The following CLEC17A variants were observed in gnomAD, a reference collection of about 807,000 sequenced individuals.
The protein encoded by CLEC17A is C-type lectin domain containing 17A.
CLEC17A carries 37 observed loss-of-function variants against 61.3 expected under a neutral mutation model. That is an observed-to-expected ratio of 0.60 (90% CI 0.46 to 0.79). The LOEUF is 0.79. Ranked by LOEUF, CLEC17A falls within the 30% of genes least tolerant of loss-of-function variation. The pLI, the probability that CLEC17A is intolerant of heterozygous loss-of-function variation, is 0.00. For missense variants in CLEC17A, 418 were observed against 464.7 expected (o/e 0.90, Z 0.92); for synonymous variants, 168 against 164.9 (o/e 1.02, Z -0.14).
chr19:14,609,900 C>T (rs966706928), intron 13 of CLEC17A, among the ~76,000 whole-genome samples, 164 bp from the exon 14 acceptor site: 6 of 152,056 alleles, frequency 3.9e-5, no homozygotes, highest in Non-Finnish European at 8.8e-5. Flanking sequence ...GGGCCAGGCA[C>T]GGTGGCTCAC....
In CLEC17A at chr19:14,596,625, C is replaced by A. The variant is rs149064859; in HGVS notation, c.446-251C>A. On this transcript the variant is annotated intron_variant, in intron 8 of 13. Coordinates refer to ENST00000417570, the MANE Select transcript of CLEC17A (RefSeq NM_001204118.2). ...CTCCAGCCTGGATGACAGAGTGAAA[C>A]CTTGTTTCAAGAAGGAAAGAAGGAA... 2.0e-3 allele frequency among the ~76,000 whole-genome samples: 304 copies of A among 152,196 alleles called. 2 individuals carry two copies. Among genetic ancestry groups the A allele is most frequent in the African/African-American group, 7.1e-3 (295 of 41,498 alleles).
intron 13 of CLEC17A, 38 bp downstream of exon 13, chr19:14,607,140 C>T (rs2074899421): frequency 4.0e-6 from 4 of 1,005,640 alleles, no homozygotes; most frequent in South Asian, 3.4e-5. Context: ...TCTGCTTCCT[C>T]TGTGGGCCCT....
intron 10 of CLEC17A, 175 bp from the exon 11 acceptor site, chr19:14,599,542 A>G (rs1447118855): frequency 5.9e-6 from 4 of 681,984 alleles, no homozygotes; most frequent in Non-Finnish European, 1.1e-5. Context: ...CCTCTGAGCC[A>G]TTCTCGGATT....
chr19:14,605,311 G>T (rs925084483), intron 12 of CLEC17A, among the ~76,000 whole-genome samples: 7 of 151,488 alleles, frequency 4.6e-5, no homozygotes, highest in Admixed American at 3.9e-4. Context: ...GGCCAAGCTG[G>T]TCTCGAACTC....
chr19:14,603,505 G>A (rs2074774936), intron 12 of CLEC17A, among the ~76,000 whole-genome samples: 1 of 152,106 alleles, frequency 6.6e-6, no homozygotes, highest in African/African-American at 2.4e-5. Context: ...TGTTGCCCAG[G>A]CTGGAGTGCA....
At position 14,596,858 on chromosome 19, in the gene CLEC17A, C is replaced by A. The variant is rs1247018661; in HGVS notation, c.446-18C>A. On this transcript the variant is annotated intron_variant, in intron 8 of 13. Coordinates refer to ENST00000417570, the MANE Select transcript of CLEC17A (RefSeq NM_001204118.2). ...AAGCCCCAGTATCAGTCTCTCTGTT[C>A]CCATCCCCACTCCCCAGCAACTCCA... is the stretch of plus-strand genomic sequence containing the variant. 1 of 1,606,556 alleles carries A rather than the reference C, an allele frequency of 6.2e-7. No individual in the cohort carries two copies. Among genetic ancestry groups the A allele is most frequent in the South Asian group, 1.1e-5 (1 of 89,440 alleles).
intron 10 of CLEC17A, among the ~76,000 whole-genome samples, chr19:14,597,673 G>A (rs2146708530): frequency 6.6e-6 from 1 of 152,312 alleles, no homozygotes; most frequent in East Asian, 1.9e-4. Flanking sequence ...GGGAGTTTGA[G>A]GTTGATCATG....
At chr19:14,606,657 G>A (rs1010750507) in intron 12 of CLEC17A, among the ~76,000 whole-genome samples, 6 of 149,852 alleles carry the variant, frequency 4.0e-5, no homozygotes, top group East Asian at 2.0e-4. Context: ...TCCAGCCTGG[G>A]TGACAGAGCG....
In CLEC17A at chr19:14,590,862, A is replaced by ATT. The variant is rs74183400; in HGVS notation, c.200-1404_200-1403dup. On this transcript the variant is annotated intron_variant, in intron 3 of 13. Coordinates refer to ENST00000417570, the MANE Select transcript of CLEC17A (RefSeq NM_001204118.2). ...CACCATGCCTGGATGGTTTTTTCTA[A>ATT]TTTTTTTTTTTTTTTTACAGAGATA... 5.8e-3 allele frequency among the ~76,000 whole-genome samples: 782 copies of ATT among 135,324 alleles called. 4 individuals carry two copies. Among genetic ancestry groups the ATT allele is most frequent in the African/African-American group, 0.017 (649 of 37,388 alleles). 88.8% of individuals were successfully genotyped at this position (135,324 alleles called of 152,430 possible).
chr19:14,582,955 C>G, upstream of CLEC17A: 1 of 563,578 alleles, frequency 1.8e-6, no homozygotes, highest in South Asian at 2.1e-5. Flanking sequence ...GGGAGAAAGG[C>G]TCTGTGTGTA....
At chr19:14,606,679 C>CAAA (rs576466666) in intron 12 of CLEC17A, among the ~76,000 whole-genome samples, 2 of 66,428 alleles carry the variant, frequency 3.0e-5, no homozygotes, top group Admixed American at 3.5e-4. Flanking sequence ...GACTCCCTCT[C>CAAA]AAAAAAAAAA....
At chr19:14,591,292 C>A (rs2074409902) in intron 3 of CLEC17A, among the ~76,000 whole-genome samples, 2 of 149,242 alleles carry the variant, frequency 1.3e-5, no homozygotes, top group Non-Finnish European at 3.0e-5. Flanking sequence ...GTAGCTGGGA[C>A]CACAGGCGCC....
Position 14,595,308 on chromosome 19 carries a change from C to T in CLEC17A, c.438C>T (p.Ser146=). Residue 146 remains serine (S), a synonymous_variant, in exon 8 of 14, where the codon TCC becomes TCT. Coordinates refer to ENST00000417570, the MANE Select transcript of CLEC17A (RefSeq NM_001204118.2). ...VNLEPSPLQP[S]LAATPVPWLN... is the part of the protein sequence containing the mutation. ...TTGAGCCTTCTCCATTGCAGCCATC[C>T]CTGGCCGGTAAGTGTCCTCCCATTT... 1 of 1,613,924 alleles carries T rather than the reference C, an allele frequency of 6.2e-7. No individual in the cohort carries two copies. The highest frequency in any genetic ancestry group is 1.1e-5 in the South Asian group (1 of 91,084).
rs1292643188 is a variant in CLEC17A, at chr19:14,610,681, G to C, written c.*485G>C. The C allele has an allele frequency of 1.3e-5, 2 of 156,772 alleles. No individual in the cohort carries two copies. The highest frequency in any genetic ancestry group is 4.8e-5 in the African/African-American group (2 of 41,462). The allele number at this position is 156,772 out of a possible 1,614,324, so 9.7% of individuals were successfully genotyped here. A position where few individuals can be genotyped will look rare whatever the true frequency, so the allele number is the denominator to read the frequency against. On this transcript the variant is annotated 3_prime_UTR_variant, in exon 14 of 14. Transcript: ENST00000417570. ...ACTACACATGCGCACCACCATGCCT[G>C]GCCAATTTTTTGTAGCATTTAAAGA...
intron 12 of CLEC17A, among the ~76,000 whole-genome samples, chr19:14,605,204 TCTC>T (rs1216493250): frequency 6.6e-6 from 1 of 151,768 alleles, no homozygotes; most frequent in African/African-American, 2.4e-5. Context: ...TTCAAGCAAT[TCTC>T]CTCTCTCAGC....
At chr19:14,593,699 G>A (rs1450100237) in intron 4 of CLEC17A, among the ~76,000 whole-genome samples, 1 of 151,770 alleles carries the variant, frequency 6.6e-6, no homozygotes, top group African/African-American at 2.4e-5. Flanking sequence ...GGTGGCTCAC[G>A]CCTGTAATCC....
intron 3 of CLEC17A, chr19:14,588,222 G>T (rs2074332264): frequency 6.3e-6 from 1 of 158,916 alleles, no homozygotes; most frequent in Non-Finnish European, 1.4e-5. Context: ...CTGCAGTGGT[G>T]TGCATCTGTA....
chr19:14,602,406 C>T (rs1376610547), intron 12 of CLEC17A, among the ~76,000 whole-genome samples: 1 of 152,116 alleles, frequency 6.6e-6, no homozygotes, highest in Non-Finnish European at 1.5e-5. Flanking sequence ...TATCCCACCT[C>T]AGCTCCCCAC....
At position 14,600,123 on chromosome 19, in the gene CLEC17A, C is replaced by T. The variant is rs527321709; in HGVS notation, c.835C>T (p.Arg279Trp). 37 of 1,613,976 alleles carry T rather than the reference C, an allele frequency of 2.3e-5. No individual in the cohort carries two copies. Among genetic ancestry groups the T allele is most frequent in the East Asian group, 2.0e-4 (9 of 44,886 alleles). The change falls in exon 12 of 14, where the codon CGG becomes TGG. Residue 279 changes from arginine (R) to tryptophan (W), a missense_variant. Transcript: ENST00000417570. Reference sequence around the variant, plus strand: ...AAGCACCAAGTCATGGGATGAGGCCCGGATGTTCTGCCAGGAGAATTACTC... The same window carrying T: ...AAGCACCAAGTCATGGGATGAGGCCTGGATGTTCTGCCAGGAGAATTACTC... ...SPSTKSWDEARMFCQENYSHL... is the reference protein window; with the variant it reads ...SPSTKSWDEAWMFCQENYSHL...
Sources: allele counts gnomAD v4.1 joint callset (sites outside exome capture counted in the v4.1 genomes callset), GRCh38; gene constraint gnomAD v4.1.1; transcripts MANE v1.5; gene names NCBI Gene and HGNC (gene_info 2026-07-23, HGNC 2026-07-21).